The following PCDHGA7 variants were observed in gnomAD, a reference collection of about 807,000 sequenced individuals.
PCDHGA7 encodes protocadherin gamma subfamily A, 7.
Under a neutral mutation model 58.3 loss-of-function variants are expected in PCDHGA7, and 44 were observed. The observed-to-expected ratio is 0.75, with a 90% CI of 0.59 to 0.97. The LOEUF is 0.97. Among genes scored for constraint, PCDHGA7 ranks in the 50% least tolerant of loss-of-function variants. PCDHGA7 has a pLI of 0.00. For missense variants in PCDHGA7, 1,266 were observed against 1,188.7 expected, an observed-to-expected ratio of 1.06 and a Z score of -0.96; for synonymous variants, 516 against 504.2, an observed-to-expected ratio of 1.02 and a Z score of -0.31.
chr5:141,490,981 C>T lies in PCDHGA7; in HGVS notation c.2425-3826C>T. 19 of 1,614,096 alleles carry T rather than the reference C, an allele frequency of 1.2e-5. No homozygotes were observed. The highest frequency in any genetic ancestry group is 1.5e-5 in the Non-Finnish European group (18 of 1,180,018). Reference sequence around the variant, plus strand: ...ACACTCAGCCCCCCAGCGTCTCCCTCGCTCTGCTCCTCCTGGCTCCTTGGT... The same window carrying T: ...ACACTCAGCCCCCCAGCGTCTCCCTTGCTCTGCTCCTCCTGGCTCCTTGGT... On this transcript the variant is annotated intron_variant, in intron 1 of 3. Transcript: ENST00000518325. The surrounding 1 kb of genome is among the most constrained non-coding windows in gnomAD (Gnocchi z 5.4).
chr5:141,507,570 G>A (rs562674847), intron 3 of PCDHGA7, among the ~76,000 whole-genome samples: 1 of 152,366 alleles, frequency 6.6e-6, no homozygotes, highest in South Asian at 2.1e-4. Flanking sequence ...CTGGGTCTGA[G>A]GAGATGCCAA....
chr5:141,501,130 G>C (rs528942194), intron 2 of PCDHGA7, among the ~76,000 whole-genome samples: 1 of 152,218 alleles, frequency 6.6e-6, no homozygotes, highest in South Asian at 2.1e-4. Flanking sequence ...GCCTCCCTAA[G>C]TGCTGGGATT....
rs750014647 is a variant in PCDHGA7, at chr5:141,426,649, T to C, written c.2424+41326T>C. 53 of 418,716 alleles carry C rather than the reference T, an allele frequency of 1.3e-4. 1 individual carries two copies. Among genetic ancestry groups the C allele is most frequent in the South Asian group, 6.9e-4 (42 of 60,762 alleles). The allele number at this position is 418,716 out of a possible 1,614,324, so 25.9% of individuals were successfully genotyped here. On this transcript the variant is annotated intron_variant, in intron 1 of 3. Coordinates refer to ENST00000518325, the MANE Select transcript of PCDHGA7 (RefSeq NM_018920.4). Reference sequence around the variant, plus strand: ...AATGTTTTTCACATAAATGTGATGATAGAAGATATAAATGATAACCCACCT... The same window carrying C: ...AATGTTTTTCACATAAATGTGATGACAGAAGATATAAATGATAACCCACCT...
intron 1 of PCDHGA7, chr5:141,421,617 C>A (rs781622911): frequency 6.2e-7 from 1 of 1,613,768 alleles, no homozygotes; most frequent in South Asian, 1.1e-5. Flanking sequence ...TTAATGATAA[C>A]GCCCCCAGCT....
intron 1 of PCDHGA7, among the ~76,000 whole-genome samples, chr5:141,479,992 G>A (rs1336315766): frequency 6.6e-6 from 1 of 152,204 alleles, no homozygotes; most frequent in Non-Finnish European, 1.5e-5. Context: ...CCAACTAGGA[G>A]TCTGTGGCCA....
At position 141,422,119 on chromosome 5, in the gene PCDHGA7, C is replaced by T. The variant is rs778866054; in HGVS notation, c.2424+36796C>T. 26 of 1,603,658 alleles carry T rather than the reference C, an allele frequency of 1.6e-5. No homozygotes were observed. In the Admixed American group the frequency reaches 4.2e-4, roughly 26 times the overall value. ...TTCTGAAATATTCCAATTGGATTCA[C>T]AAACTGGAGAAGTTCAAGTACGGGG... On this transcript the variant is annotated intron_variant, in intron 1 of 3. Transcript: ENST00000518325.
rs147674746 is a variant in PCDHGA7, at chr5:141,477,348, C to G, written c.2425-17459C>G. 7 of 1,614,180 alleles carry G rather than the reference C, an allele frequency of 4.3e-6. No individual in the cohort carries two copies. Among genetic ancestry groups the G allele is most frequent in the Non-Finnish European group, 5.9e-6 (7 of 1,180,030 alleles). ...CTCAAGAATTACTTCACTTTGAAAA[C>G]CAGTGCAGACCTGGATCGGGAGACT... is the stretch of plus-strand genomic sequence containing the variant. On this transcript the variant is annotated intron_variant, in intron 1 of 3. Transcript: ENST00000518325. The surrounding 1 kb of genome is among the most constrained non-coding windows in gnomAD (Gnocchi z 4.9).
intron 1 of PCDHGA7, chr5:141,417,708 G>C (rs1028054307): frequency 1.2e-4 from 152 of 1,227,878 alleles, no homozygotes; most frequent in East Asian, 4.9e-4. Context: ...CCACACAGAG[G>C]CTCCCGGCTG....
intron 1 of PCDHGA7, chr5:141,420,193 A>G: frequency 6.2e-7 from 1 of 1,613,766 alleles, no homozygotes; most frequent in South Asian, 1.1e-5. Context: ...CAGCCACACA[A>G]GATAACCTCA....
chr5:141,496,234 T>C (rs2154591884), intron 2 of PCDHGA7, among the ~76,000 whole-genome samples: 1 of 152,232 alleles, frequency 6.6e-6, no homozygotes, highest in Middle Eastern at 3.4e-3. Context: ...AGGAACCCCC[T>C]GCGGGCTGAA....
Position 141,485,979 on chromosome 5 carries a change from C to T in PCDHGA7, c.2425-8828C>T. ...CTCATCCAGCTCAATGCCTCAGACC[C>T]GGACCTGGGTCCCAGTGGTAACGTC... is the stretch of plus-strand genomic sequence containing the variant. On this transcript the variant is annotated intron_variant, in intron 1 of 3. Coordinates refer to ENST00000518325, the MANE Select transcript of PCDHGA7 (RefSeq NM_018920.4). The surrounding 1 kb of genome is among the most constrained non-coding windows in gnomAD (Gnocchi z 5.7). The T allele has an allele frequency of 1.2e-6, 2 of 1,614,182 alleles. No individual in the cohort carries two copies. The highest frequency in any genetic ancestry group is 1.7e-6 in the Non-Finnish European group (2 of 1,180,022).
intron 1 of PCDHGA7, chr5:141,402,915 CAG>C: frequency 6.4e-7 from 1 of 1,564,688 alleles, no homozygotes; most frequent in Non-Finnish European, 8.7e-7. Flanking sequence ...GCAGCGCGCA[CAG>C]AGATCCTTTT....
chr5:141,483,951 TTG>T (rs1298075162), intron 1 of PCDHGA7, among the ~76,000 whole-genome samples: 2 of 147,758 alleles, frequency 1.4e-5, no homozygotes, highest in Non-Finnish European at 3.0e-5. Flanking sequence ...GTGAATTGTG[TTG>T]TGTTTCTGTG....
intron 1 of PCDHGA7, among the ~76,000 whole-genome samples, chr5:141,433,752 G>A (rs975941520): frequency 6.6e-6 from 1 of 151,206 alleles, no homozygotes; most frequent in Non-Finnish European, 1.5e-5. Context: ...CAGGAGAATT[G>A]CTTTAACCTG....
Position 141,384,146 on chromosome 5 carries a change from C to G in PCDHGA7, c.1247C>G (p.Ser416Cys), listed in dbSNP as rs369384722. 2.5e-6 allele frequency: 4 copies of G among 1,613,166 alleles called. No homozygotes were observed. The East Asian group carries it at 6.7e-5, about 27-fold the overall frequency. Reference sequence around the variant, plus strand: ...AAAAACTTGGACCGGGAAACACTCTCTTTGTATAACATCACACTGAAAGCC... The same window carrying G: ...AAAAACTTGGACCGGGAAACACTCTGTTTGTATAACATCACACTGAAAGCC... ...TTKNLDRETL[S>C]LYNITLKATD... Residue 416 changes from serine to cysteine, a missense_variant, in exon 1 of 4, where the codon TCT becomes TGT. Transcript: ENST00000518325.
At chr5:141,478,487 A>G (rs1593917832) in intron 1 of PCDHGA7, 1 of 1,613,454 alleles carries the variant, frequency 6.2e-7, no homozygotes, top group South Asian at 1.1e-5. Flanking sequence ...CACGCTGCGG[A>G]GCTGTGATCC....
At position 141,389,543 on chromosome 5, in the gene PCDHGA7, C is replaced by A. The variant is rs550025687; in HGVS notation, c.2424+4220C>A. 5.6e-6 allele frequency: 9 copies of A among 1,613,282 alleles called. No individual in the cohort carries two copies. In the East Asian group the frequency reaches 6.7e-5, roughly 12 times the overall value. ...GCCTGCGCGTGTTAGTGGACGACCG[C>A]AACGACAATGCGCCACGGGTGCTGT... On this transcript the variant is annotated intron_variant, in intron 1 of 3. Transcript: ENST00000518325.
intron 1 of PCDHGA7, chr5:141,400,584 A>G (rs745551734): frequency 1.9e-6 from 3 of 1,609,038 alleles, no homozygotes; most frequent in Non-Finnish European, 8.5e-7. Flanking sequence ...TATTTACATG[A>G]AACTATCGTA....
In PCDHGA7 at chr5:141,477,815, G is replaced by C; in HGVS notation, c.2425-16992G>C. On this transcript the variant is annotated intron_variant, in intron 1 of 3. Coordinates refer to ENST00000518325, the MANE Select transcript of PCDHGA7 (RefSeq NM_018920.4). The surrounding 1 kb of genome is among the most constrained non-coding windows in gnomAD (Gnocchi z 4.9). ...TGATCGCAATGACAATGCCCCCCAG[G>C]TCCTATATCCTCGGCCAGGTGGGAG... 1 of 1,614,106 alleles carries C rather than the reference G, an allele frequency of 6.2e-7. No homozygotes were observed. Among genetic ancestry groups the C allele is most frequent in the Non-Finnish European group, 8.5e-7 (1 of 1,180,034 alleles).
Sources: gnomAD v4.1 joint callset for allele counts (sites outside exome capture counted in the v4.1 genomes callset) on GRCh38, gnomAD v4.1.1 for gene constraint, Gnocchi (gnomAD v3.1) non-coding constraint, MANE v1.5 for transcripts, NCBI Gene and HGNC (gene_info 2026-07-23, HGNC 2026-07-21) for gene names.